PLCL1: variants seen among roughly 807,000 people sequenced by gnomAD.
PLCL1 encodes inactive phospholipase C-like protein 1.
Under a neutral mutation model 84.4 loss-of-function variants are expected in PLCL1, and 41 were observed. That is an observed-to-expected ratio of 0.49 (90% CI 0.38 to 0.63). The LOEUF (loss-of-function observed/expected upper bound fraction) is 0.63. PLCL1 is among the 30% of genes least tolerant of loss of function. The pLI is 0.00. For missense variants in PLCL1, 1,206 were observed against 1,367.8 expected (o/e 0.88, Z 1.87); for synonymous variants, 490 against 488.3 (o/e 1.00, Z -0.05).
At chr2:197,950,681 A>G (rs1359793550) in intron 1 of PLCL1, among the ~76,000 whole-genome samples, 1 of 152,180 alleles carries the variant, frequency 6.6e-6, no homozygotes, top group East Asian at 1.9e-4. Context: ...AATTGCTAAT[A>G]TAATAGAATT....
intron 1 of PLCL1, among the ~76,000 whole-genome samples, chr2:197,966,859 T>C (rs1309256545): frequency 2.0e-5 from 3 of 148,812 alleles, no homozygotes; most frequent in African/African-American, 7.4e-5. Context: ...TTTTTTTTTT[T>C]TTTTTTTTTG....
Position 198,087,403 on chromosome 2 carries a change from G to A in PLCL1, c.2715+1171G>A, listed in dbSNP as rs573010370. Among the ~76,000 whole-genome samples, 8 of 152,184 alleles carry A rather than the reference G, an allele frequency of 5.3e-5. No homozygotes were observed. In the South Asian group the frequency reaches 1.7e-3, roughly 32 times the overall value. On this transcript the variant is annotated intron_variant, in intron 2 of 5. Coordinates refer to ENST00000428675, the MANE Select transcript of PLCL1 (RefSeq NM_006226.4). The stretch of plus-strand genomic sequence containing the variant: ...CTTATTAGGCTAGTGTTATTGAGAT[G>A]CAAACAATAACAGATATTCACCGAG...
intron 1 of PLCL1, among the ~76,000 whole-genome samples, chr2:198,020,966 C>T (rs1253543950): frequency 6.6e-6 from 1 of 152,182 alleles, no homozygotes; most frequent in Non-Finnish European, 1.5e-5. Context: ...CACCACATAG[C>T]ACTTATTTTA....
intron 1 of PLCL1, among the ~76,000 whole-genome samples, chr2:197,827,243 T>C (rs1171504897): frequency 6.6e-6 from 1 of 152,182 alleles, no homozygotes; most frequent in Non-Finnish European, 1.5e-5. Flanking sequence ...CAAATCCCTT[T>C]ACGTGGGTCA....
At chr2:198,119,534 T>A (rs1439040336) in intron 5 of PLCL1, among the ~76,000 whole-genome samples, 1 of 151,958 alleles carries the variant, frequency 6.6e-6, no homozygotes, top group East Asian at 1.9e-4. Context: ...ACTGTGATGT[T>A]CTTTCCCTCC....
At chr2:198,097,601 T>G (rs2105909439) in intron 3 of PLCL1, among the ~76,000 whole-genome samples, 1 of 152,342 alleles carries the variant, frequency 6.6e-6, no homozygotes, top group African/African-American at 2.4e-5. Context: ...AAGGTATAGC[T>G]GACAACTGTT....
chr2:197,846,975 A>T (rs1245716797), intron 1 of PLCL1, among the ~76,000 whole-genome samples: 1 of 152,184 alleles, frequency 6.6e-6, no homozygotes, highest in East Asian at 1.9e-4. Flanking sequence ...ACTATGAAGT[A>T]GTAGGCTGGG....
chr2:197,976,332 CTCTT>C (rs1689980754), intron 1 of PLCL1, among the ~76,000 whole-genome samples: 1 of 152,212 alleles, frequency 6.6e-6, no homozygotes, highest in African/African-American at 2.4e-5. Flanking sequence ...TGCTGACTCT[CTCTT>C]TCTTCTATCA....
chr2:197,862,232 A>G (rs1283763806), intron 1 of PLCL1, among the ~76,000 whole-genome samples: 1 of 152,222 alleles, frequency 6.6e-6, no homozygotes, highest in Non-Finnish European at 1.5e-5. Context: ...TCTGCACTGC[A>G]TCTAAAAACA....
chr2:197,876,056 A>G (rs1201288846), intron 1 of PLCL1, among the ~76,000 whole-genome samples: 1 of 152,216 alleles, frequency 6.6e-6, no homozygotes, highest in African/African-American at 2.4e-5. Flanking sequence ...TTCCATGAAC[A>G]CGAATAGGCA....
At chr2:197,975,957 C>G (rs1413516783) in intron 1 of PLCL1, among the ~76,000 whole-genome samples, 1 of 152,144 alleles carries the variant, frequency 6.6e-6, no homozygotes, top group Non-Finnish European at 1.5e-5. Flanking sequence ...CTTTCTTCTC[C>G]CCAACCATAC....
At chr2:197,995,087 C>T (rs1378525868) in intron 1 of PLCL1, among the ~76,000 whole-genome samples, 1 of 152,190 alleles carries the variant, frequency 6.6e-6, no homozygotes, top group African/African-American at 2.4e-5. Context: ...CAGTAAATTA[C>T]AGGTACTAAC....
intron 1 of PLCL1, among the ~76,000 whole-genome samples, chr2:197,958,864 C>A (rs1689546590): frequency 6.6e-6 from 1 of 151,742 alleles, no homozygotes; most frequent in African/African-American, 2.4e-5. Flanking sequence ...TAGAGTTGAG[C>A]TTTAAATTCA....
At chr2:197,826,076 G>A (rs1189857442) in intron 1 of PLCL1, among the ~76,000 whole-genome samples, 3 of 152,080 alleles carry the variant, frequency 2.0e-5, no homozygotes, top group Non-Finnish European at 4.4e-5. Flanking sequence ...TTTCCTTCTC[G>A]GAGGCTTTTC....
intron 1 of PLCL1, among the ~76,000 whole-genome samples, chr2:197,832,210 C>T (rs974112999): frequency 6.6e-6 from 1 of 152,024 alleles, no homozygotes. Context: ...ATCAATGAAT[C>T]CAAGAACTGT....
At chr2:197,913,447 A>T (rs1688530225) in intron 1 of PLCL1, among the ~76,000 whole-genome samples, 1 of 152,226 alleles carries the variant, frequency 6.6e-6, no homozygotes, top group Admixed American at 6.5e-5. Context: ...AACTGACCTA[A>T]GCCAATGTGT....
At chr2:197,929,179 T>C (rs893965094) in intron 1 of PLCL1, among the ~76,000 whole-genome samples, 2 of 152,192 alleles carry the variant, frequency 1.3e-5, no homozygotes, top group Non-Finnish European at 2.9e-5. Context: ...TATACTGTAC[T>C]GAACGATTTT....
At chr2:197,861,843 G>GT (rs1341070701) in intron 1 of PLCL1, among the ~76,000 whole-genome samples, 1 of 152,088 alleles carries the variant, frequency 6.6e-6, no homozygotes, top group Non-Finnish European at 1.5e-5. Context: ...AACTGACTTT[G>GT]TTTTTTTCCT....
intron 5 of PLCL1, among the ~76,000 whole-genome samples, chr2:198,126,121 A>T (rs1232448491): frequency 6.6e-6 from 1 of 152,084 alleles, no homozygotes; most frequent in African/African-American, 2.4e-5. Flanking sequence ...TTTCCCTACA[A>T]TAGATTTCAT....
Sources: gnomAD v4.1 joint callset for allele counts (sites outside exome capture counted in the v4.1 genomes callset) on GRCh38, gnomAD v4.1.1 for gene constraint, MANE v1.5 for transcripts, NCBI Gene and HGNC (gene_info 2026-07-23, HGNC 2026-07-21) for gene names.